The following GPR137B variants were observed in gnomAD, a reference collection of about 807,000 sequenced individuals.
GPR137B encodes integral membrane protein GPR137B.
Under a neutral mutation model 42.5 loss-of-function variants are expected in GPR137B, and 42 were observed. The ratio of observed to expected loss-of-function variants is 0.99; its 90% CI spans 0.77 to 1.28. The LOEUF is 1.28. Ranked by LOEUF, GPR137B falls within the 50% of genes most tolerant of loss-of-function variation. GPR137B has a pLI of 0.00. For missense variants in GPR137B, 487 were observed against 493.9 expected, an observed-to-expected ratio of 0.99 and a Z score of 0.13; for synonymous variants, 218 against 209.7, an observed-to-expected ratio of 1.04 and a Z score of -0.34.
chr1:236,170,648 T>C (rs925059842), intron 2 of GPR137B, among the ~76,000 whole-genome samples: 3 of 152,144 alleles, frequency 2.0e-5, no homozygotes, highest in African/African-American at 7.2e-5. Context: ...ACCAAAAATA[T>C]TTCAGATTTC....
At position 236,142,636 on chromosome 1, in the gene GPR137B, G is replaced by T. The variant is rs1454634082; in HGVS notation, c.14G>T (p.Arg5Leu). 1.7e-5 allele frequency: 26 copies of T among 1,486,144 alleles called. No homozygotes were observed. In the East Asian group the frequency reaches 1.8e-4, roughly 10 times the overall value. 92.1% of individuals were successfully genotyped at this position (1,486,144 alleles called of 1,614,324 possible). A position where few individuals can be genotyped will look rare whatever the true frequency, so the allele number is the denominator to read the frequency against. The change falls in exon 1 of 7, where the codon CGT becomes CTT. Residue 5 changes from arginine to leucine, a missense_variant. By Grantham distance (102) the Arg-to-Leu change is moderately radical. Transcript: ENST00000366592. ...CCGTGAGCCCCGATGAGGCCCGAGC[G>T]TCCCCGGCCGCGCGGCAGCGCCCCC... MRPE[R>L]PRPRGSAPGP...
chr1:236,174,307 G>C (rs1662625296), intron 2 of GPR137B, among the ~76,000 whole-genome samples: 2 of 152,182 alleles, frequency 1.3e-5, no homozygotes, highest in South Asian at 4.1e-4. Context: ...GAAGGAGGAA[G>C]GTTCCAGGCA....
In GPR137B at chr1:236,183,902, A is replaced by G. The variant is rs1222957205; in HGVS notation, c.962A>G (p.Asp321Gly). The change falls in exon 5 of 7, where the codon GAC becomes GGC. Residue 321 changes from aspartate to glycine, a missense_variant. Coordinates refer to ENST00000366592, the MANE Select transcript of GPR137B (RefSeq NM_003272.4). ...TTCCGAGTTAGAAATCCTACAAAGGACCTTGTAAGTAAACCATTTTACATT... is the reference window on the plus strand; with the variant it reads ...TTCCGAGTTAGAAATCCTACAAAGGGCCTTGTAAGTAAACCATTTTACATT... ...YFFRVRNPTKDLTNPGMVPSH... is the reference protein window; with the variant it reads ...YFFRVRNPTKGLTNPGMVPSH... 7 of 1,606,972 alleles carry G rather than the reference A, an allele frequency of 4.4e-6. No individual in the cohort carries two copies. The highest frequency in any genetic ancestry group is 6.0e-6 in the Non-Finnish European group (7 of 1,174,258).
intron 1 of GPR137B, among the ~76,000 whole-genome samples, chr1:236,158,240 A>T (rs1662089490): frequency 6.6e-6 from 1 of 152,182 alleles, no homozygotes; most frequent in Non-Finnish European, 1.5e-5. Flanking sequence ...CCTGGCCAAA[A>T]TGGTGAAACC....
At chr1:236,204,318 G>A (rs564953246) in intron 5 of GPR137B, among the ~76,000 whole-genome samples, 15 of 152,232 alleles carry the variant, frequency 9.9e-5, no homozygotes, top group South Asian at 2.1e-4. Context: ...CTAGTATTTT[G>A]TTGAAGATTT....
intron 5 of GPR137B, among the ~76,000 whole-genome samples, chr1:236,197,822 G>A (rs1663382420): frequency 6.6e-6 from 1 of 152,180 alleles, no homozygotes; most frequent in Admixed American, 6.5e-5. Context: ...CCAGGTTCAA[G>A]TGATTCTCCT....
At chr1:236,149,255 C>T (rs76865557) in intron 1 of GPR137B, among the ~76,000 whole-genome samples, 1 of 151,792 alleles carries the variant, frequency 6.6e-6, no homozygotes, top group African/African-American at 2.4e-5. Context: ...CAAGCCTAAT[C>T]GCAGTGCCTG....
rs771772251 is a variant in GPR137B, at chr1:236,143,053, C to T, written c.414+17C>T. On this transcript the variant is annotated intron_variant, in intron 1 of 6. Coordinates refer to ENST00000366592, the MANE Select transcript of GPR137B (RefSeq NM_003272.4). ...TTCACGCAGGTGAGTTTCAGAGAGG[C>T]TCCTGGAGGCGCTCACCTGGCGGGG... 8.8e-6 allele frequency: 14 copies of T among 1,585,834 alleles called. No homozygotes were observed. Among genetic ancestry groups the T allele is most frequent in the Admixed American group, 3.5e-5 (2 of 57,446 alleles).
chr1:236,207,354 C>G (rs1254205), intron 6 of GPR137B: 1 of 787,758 alleles, frequency 1.3e-6, no homozygotes, highest in Non-Finnish European at 1.5e-6. Context: ...CACTCAGATT[C>G]TGAGCTCCAC....
At chr1:236,173,776 T>C in intron 2 of GPR137B, among the ~76,000 whole-genome samples, 1 of 152,164 alleles carries the variant, frequency 6.6e-6, no homozygotes, top group East Asian at 1.9e-4. Context: ...TGTGGAAACA[T>C]ACTTTTTTGA....
chr1:236,186,652 G>A (rs1663047731), intron 5 of GPR137B, among the ~76,000 whole-genome samples: 1 of 151,856 alleles, frequency 6.6e-6, no homozygotes. Context: ...CCATGTCCCT[G>A]CAAAGGACAT....
intron 5 of GPR137B, among the ~76,000 whole-genome samples, chr1:236,202,903 G>A (rs1270576346): frequency 6.6e-6 from 1 of 152,152 alleles, no homozygotes; most frequent in Non-Finnish European, 1.5e-5. Context: ...AGAGATAGTG[G>A]TCTAGTTTCA....
At chr1:236,193,240 A>G (rs1026827112) in intron 5 of GPR137B, among the ~76,000 whole-genome samples, 3 of 152,204 alleles carry the variant, frequency 2.0e-5, no homozygotes, top group African/African-American at 7.2e-5. Flanking sequence ...TTGAAATGAT[A>G]AAAAGGACAC....
chr1:236,145,098 T>C (rs1241297916), intron 1 of GPR137B, among the ~76,000 whole-genome samples: 4 of 152,220 alleles, frequency 2.6e-5, no homozygotes, highest in African/African-American at 9.6e-5. Context: ...ACAGGGTGGC[T>C]GGCTGGAGAA....
At chr1:236,158,990 C>T (rs1471352776) in intron 1 of GPR137B, among the ~76,000 whole-genome samples, 1 of 152,148 alleles carries the variant, frequency 6.6e-6, no homozygotes, top group East Asian at 1.9e-4. Flanking sequence ...CACTGTCATA[C>T]CCACAAAGAA....
At chr1:236,202,271 T>C (rs1272708253) in intron 5 of GPR137B, among the ~76,000 whole-genome samples, 1 of 152,054 alleles carries the variant, frequency 6.6e-6, no homozygotes, top group Non-Finnish European at 1.5e-5. Flanking sequence ...AGGACCACTG[T>C]TTAGCCAGGA....
intron 1 of GPR137B, among the ~76,000 whole-genome samples, chr1:236,146,649 G>A (rs1661690827): frequency 6.6e-6 from 1 of 152,216 alleles, no homozygotes; most frequent in African/African-American, 2.4e-5. Flanking sequence ...CGATGCTGCA[G>A]TACGCAGCCC....
In GPR137B at chr1:236,163,281, C is replaced by A. The variant is rs180704939; in HGVS notation, c.415-5425C>A. Among the ~76,000 whole-genome samples the A allele has an allele frequency of 1.0e-3, 159 of 152,312 alleles. 2 individuals are homozygous for A. Among genetic ancestry groups the A allele is most frequent in the African/African-American group, 3.7e-3 (155 of 41,564 alleles). ...CCCAATGCCTGTATCTCCATTGTAT[C>A]TAGGAAGTAACTAGCTTGCTTTCGA... On this transcript the variant is annotated intron_variant, in intron 1 of 6. Transcript: ENST00000366592.
chr1:236,165,136 C>T lies in GPR137B; in HGVS notation c.415-3570C>T, dbSNP rs185480173. 3.9e-5 allele frequency among the ~76,000 whole-genome samples: 6 copies of T among 152,304 alleles called. No homozygotes were observed. In the East Asian group the frequency reaches 1.2e-3, roughly 29 times the overall value. ...GCCAGGTTGGTCTTGAACTCCTGAC[C>T]TCAGGCAATCCGCCTGCCTCAGCCT... is the stretch of plus-strand genomic sequence containing the variant. On this transcript the variant is annotated intron_variant, in intron 1 of 6. Transcript: ENST00000366592.
Sources: gnomAD v4.1 joint callset for allele counts (sites outside exome capture counted in the v4.1 genomes callset) on GRCh38, gnomAD v4.1.1 for gene constraint, MANE v1.5 for transcripts, NCBI Gene and HGNC (gene_info 2026-07-23, HGNC 2026-07-21) for gene names.